The following GXYLT1 variants were observed in gnomAD, a reference collection of about 807,000 sequenced individuals.
GXYLT1 encodes the protein glycosyltransferase 8 domain containing 3.
GXYLT1 carries 29 observed loss-of-function variants against 54.0 expected under a neutral mutation model. The observed-to-expected ratio is 0.54, with a 90% confidence interval of 0.40 to 0.73. The LOEUF is 0.73. Among genes scored for constraint, GXYLT1 ranks in the 30% least tolerant of loss-of-function variants. The probability of loss-of-function intolerance (pLI) is 0.00; values close to 1 mark genes in which losing one functional copy is unlikely to be tolerated. For missense variants in GXYLT1, 490 were observed against 553.4 expected (o/e 0.89, Z 1.15); for synonymous variants, 176 against 204.1 (o/e 0.86, Z 1.17).
chr12:42,144,466 C>T lies in GXYLT1; in HGVS notation c.181G>A (p.Gly61Ser), dbSNP rs993836581. The change falls in exon 1 of 8, where the codon GGC becomes AGC. Residue 61 changes from glycine (G) to serine (S), a missense_variant. This residue lies in a region of GXYLT1 where 148 missense variants were observed against 210.7 expected (regional missense o/e 0.70). Transcript: ENST00000398675. Reference sequence around the variant, plus strand: ...GGATGCGCTGCGGGGCCCGCGACGCCGGCGCCTCTCACGGCGCCGCGTCCG... The same window carrying T: ...GGATGCGCTGCGGGGCCCGCGACGCTGGCGCCTCTCACGGCGCCGCGTCCG... ...GGGRGAVRGAGVAGPAAHPGV... is the reference protein window; with the variant it reads ...GGGRGAVRGASVAGPAAHPGV... 4.7e-6 allele frequency: 6 copies of T among 1,287,260 alleles called. No individual in the cohort carries two copies. The African/African-American group carries it at 8.2e-5, about 18-fold the overall frequency. The allele number at this position is 1,287,260 out of a possible 1,614,324, so 79.7% of individuals were successfully genotyped here. A position where few individuals can be genotyped will look rare whatever the true frequency, so the allele number is the denominator to read the frequency against.
intron 1 of GXYLT1, among the ~76,000 whole-genome samples, chr12:42,141,192 G>C (rs571031852): frequency 6.6e-6 from 1 of 152,238 alleles, no homozygotes; most frequent in South Asian, 2.1e-4. Context: ...TGCAACCCAG[G>C]CAAGTCCAAT....
Position 42,096,794 on chromosome 12 carries a change from A to C in GXYLT1, c.1161+648T>G, listed in dbSNP as rs1169713013. ...GGAAAAATAACTACACTGTGGAGAA[A>C]ATAAATGACATTTTGACTGACTGAT... On this transcript the variant is annotated intron_variant, in intron 7 of 7. Transcript: ENST00000398675. Among the ~76,000 whole-genome samples, 5 of 152,294 alleles carry C rather than the reference A, an allele frequency of 3.3e-5. No homozygotes were observed. The South Asian group carries it at 1.0e-3, about 32-fold the overall frequency.
intron 1 of GXYLT1, among the ~76,000 whole-genome samples, chr12:42,143,980 C>CA (rs2065665421): frequency 6.6e-6 from 1 of 152,000 alleles, no homozygotes; most frequent in Non-Finnish European, 1.5e-5. Context: ...GCATGAGGGA[C>CA]AAAATACACA....
At chr12:42,143,919 A>C (rs557602781) in intron 1 of GXYLT1, among the ~76,000 whole-genome samples, 1 of 152,346 alleles carries the variant, frequency 6.6e-6, no homozygotes, top group Non-Finnish European at 1.5e-5. Context: ...TTCCAAATTT[A>C]ACTAACCATG....
chr12:42,133,717 A>C (rs1241783993), intron 1 of GXYLT1, among the ~76,000 whole-genome samples: 1 of 152,204 alleles, frequency 6.6e-6, no homozygotes, highest in Non-Finnish European at 1.5e-5. Flanking sequence ...TTTCTACTGA[A>C]TGACTACCTA....
rs140063640 is a variant in GXYLT1, at chr12:42,086,254, G to C, written c.*1532C>G. ...TGTTCTCTAAACCCATCTGTTCTAAGAATGCTGGACTGGTTATCAACTTCT... is the reference window on the plus strand; with the variant it reads ...TGTTCTCTAAACCCATCTGTTCTAACAATGCTGGACTGGTTATCAACTTCT... On this transcript the variant is annotated 3_prime_UTR_variant, in exon 8 of 8. Transcript: ENST00000398675. 8.5e-5 allele frequency: 13 copies of C among 152,370 alleles called. No individual in the cohort carries two copies. In the East Asian group the frequency reaches 1.9e-3, roughly 23 times the overall value. The allele number at this position is 152,370 out of a possible 1,614,324, so 9.4% of individuals were successfully genotyped here. A position where few individuals can be genotyped will look rare whatever the true frequency, so the allele number is the denominator to read the frequency against.
At chr12:42,095,686 A>T in intron 7 of GXYLT1, among the ~76,000 whole-genome samples, 1 of 152,056 alleles carries the variant, frequency 6.6e-6, no homozygotes, top group South Asian at 2.1e-4. Flanking sequence ...CCCTTATGTT[A>T]TTCTGACTTT....
Position 42,144,733 on chromosome 12 carries a change from G to T in GXYLT1, c.-87C>A. On this transcript the variant is annotated 5_prime_UTR_variant, in exon 1 of 8. Transcript: ENST00000398675. ...AGGGAGGGGCACCGCGCAGCCGCGGGCGCAACAAGTTCCTCACCCGCAGCC... is the reference window on the plus strand; with the variant it reads ...AGGGAGGGGCACCGCGCAGCCGCGGTCGCAACAAGTTCCTCACCCGCAGCC... The T allele has an allele frequency of 1.9e-6, 2 of 1,075,604 alleles. No homozygotes were observed. The highest frequency in any genetic ancestry group is 3.4e-5 in the East Asian group (1 of 29,098). The allele number at this position is 1,075,604 out of a possible 1,614,324, so 66.6% of individuals were successfully genotyped here. A position where few individuals can be genotyped will look rare whatever the true frequency, so the allele number is the denominator to read the frequency against.
chr12:42,130,642 T>G (rs1555142722), intron 1 of GXYLT1, among the ~76,000 whole-genome samples: 1 of 152,150 alleles, frequency 6.6e-6, no homozygotes. Flanking sequence ...TATACATACA[T>G]ATACACACAT....
At chr12:42,113,666 C>T (rs2065473639) in intron 3 of GXYLT1, among the ~76,000 whole-genome samples, 1 of 150,688 alleles carries the variant, frequency 6.6e-6, no homozygotes. Flanking sequence ...GACTTAGACT[C>T]CCACACAATA....
chr12:42,104,469 C>G (rs1439445719), intron 5 of GXYLT1, among the ~76,000 whole-genome samples: 1 of 151,754 alleles, frequency 6.6e-6, no homozygotes, highest in Admixed American at 6.6e-5. Context: ...CAGAGGTTAC[C>G]TAACACTGGG....
chr12:42,103,733 A>T (rs1206412754), intron 5 of GXYLT1, among the ~76,000 whole-genome samples: 2 of 152,338 alleles, frequency 1.3e-5, no homozygotes, highest in Non-Finnish European at 2.9e-5. Context: ...GGTGTGAAGT[A>T]AATTATACCT....
chr12:42,118,992 A>G lies in GXYLT1; in HGVS notation c.486+8T>C, dbSNP rs1565575952. On this transcript the variant is annotated splice_region_variant and intron_variant, in intron 3 of 7. Transcript: ENST00000398675. ...CTCTACAACCTTGACTATGTCTCAA[A>G]TACTTACTCTGCCTTTAAAGCTATG... 1.5e-6 allele frequency: 2 copies of G among 1,360,180 alleles called. No homozygotes were observed. The highest frequency in any genetic ancestry group is 1.9e-6 in the Non-Finnish European group (2 of 1,037,886). 84.3% of individuals were successfully genotyped at this position (1,360,180 alleles called of 1,614,324 possible). A position where few individuals can be genotyped will look rare whatever the true frequency, so the allele number is the denominator to read the frequency against.
chr12:42,111,808 C>T (rs920901304), intron 3 of GXYLT1, among the ~76,000 whole-genome samples: 1 of 152,214 alleles, frequency 6.6e-6, no homozygotes. Flanking sequence ...CAGCACGCAG[C>T]TTCAGATGTG....
intron 1 of GXYLT1, among the ~76,000 whole-genome samples, chr12:42,141,674 C>A (rs992437001): frequency 6.6e-6 from 1 of 152,076 alleles, no homozygotes; most frequent in South Asian, 2.1e-4. Flanking sequence ...ATCAATTATA[C>A]CCTACTAAAG....
At chr12:42,131,668 T>C (rs1195078616) in intron 1 of GXYLT1, among the ~76,000 whole-genome samples, 1 of 152,258 alleles carries the variant, frequency 6.6e-6, no homozygotes, top group African/African-American at 2.4e-5. Context: ...AAAATGTGTA[T>C]GTATCGGTAA....
intron 3 of GXYLT1, among the ~76,000 whole-genome samples, chr12:42,111,547 G>A (rs1020300864): frequency 3.9e-5 from 6 of 152,220 alleles, no homozygotes; most frequent in African/African-American, 9.6e-5. Context: ...ACAGCAGTCC[G>A]AGATCAAACT....
intron 3 of GXYLT1, among the ~76,000 whole-genome samples, chr12:42,116,579 T>C (rs2065496904): frequency 6.6e-6 from 1 of 152,142 alleles, no homozygotes; most frequent in Non-Finnish European, 1.5e-5. Context: ...CACAACGAGA[T>C]ACCATCTCAC....
rs868654961 is a variant in GXYLT1 at position 42,085,019 on chromosome 12, T to C, written c.*2767A>G. 1.3e-5 allele frequency: 2 copies of C among 152,372 alleles called. No homozygotes were observed. Among genetic ancestry groups the C allele is most frequent in the Middle Eastern group, 6.8e-3 (2 of 294 alleles). The allele number at this position is 152,372 out of a possible 1,614,324, so 9.4% of individuals were successfully genotyped here. A position where few individuals can be genotyped will look rare whatever the true frequency, so the allele number is the denominator to read the frequency against. On this transcript the variant is annotated 3_prime_UTR_variant, in exon 8 of 8. Transcript: ENST00000398675. Reference sequence around the variant, plus strand: ...TATGTTTTATGAAAGACCATTTATATGAAGATGGAATACGTTCTCTAAGTT... The same window carrying C: ...TATGTTTTATGAAAGACCATTTATACGAAGATGGAATACGTTCTCTAAGTT...
Sources: gnomAD v4.1 joint callset for allele counts (sites outside exome capture counted in the v4.1 genomes callset) on GRCh38, gnomAD v4.1.1 for gene constraint, gnomAD v4.1.1 regional missense constraint, MANE v1.5 for transcripts, NCBI Gene and HGNC (gene_info 2026-07-23, HGNC 2026-07-21) for gene names.